The following METTL15 variants were observed in gnomAD, a reference collection of about 807,000 sequenced individuals.
METTL15 encodes methyltransferase 15, mitochondrial 12S rRNA N4-cytidine.
A neutral mutation model predicts 38.3 loss-of-function variants in METTL15; 34 were observed. The ratio of observed to expected loss-of-function variants is 0.89; its 90% CI spans 0.68 to 1.18. METTL15 has a LOEUF of 1.18. Ranked by LOEUF, METTL15 falls within the 50% of genes most tolerant of loss-of-function variation. The pLI is 0.00. For missense variants in METTL15, 438 were observed against 498.4 expected, an observed-to-expected ratio of 0.88 and a Z score of 1.15; for synonymous variants, 162 against 170.9, an observed-to-expected ratio of 0.95 and a Z score of 0.41.
chr11:28,108,419 C>G lies in METTL15; in HGVS notation c.-287C>G, dbSNP rs1464070944. ...TTGAGATCACCAGGCCTCCTGTAGA[C>G]CGGCGGGTGCAGGGCCCGGTCCCAG... On this transcript the variant is annotated 5_prime_UTR_variant, in exon 1 of 7. Coordinates refer to ENST00000407364, the MANE Select transcript of METTL15 (RefSeq NM_001113528.2). 5 of 152,466 alleles carry G rather than the reference C, an allele frequency of 3.3e-5. No individual in the cohort carries two copies. Among genetic ancestry groups the G allele is most frequent in the African/African-American group, 1.2e-4 (5 of 41,464 alleles). 9.4% of individuals were successfully genotyped at this position (152,466 alleles called of 1,614,324 possible). A position where few individuals can be genotyped will look rare whatever the true frequency, so the allele number is the denominator to read the frequency against.
intron 5 of METTL15, among the ~76,000 whole-genome samples, chr11:28,401,060 T>C (rs1850626150): frequency 1.3e-5 from 2 of 152,000 alleles, no homozygotes; most frequent in African/African-American, 4.8e-5. Flanking sequence ...GAGCAAAAGA[T>C]AGAGTTGTAT....
At chr11:28,134,609 C>T (rs1292407659) in intron 3 of METTL15, 8 of 398,376 alleles carry the variant, frequency 2.0e-5, no homozygotes, top group Non-Finnish European at 3.5e-5. Flanking sequence ...ACAGGAGGCG[C>T]TGTTTTGGAA....
intron 6 of METTL15, among the ~76,000 whole-genome samples, chr11:28,501,353 C>T (rs981176992): frequency 7.2e-5 from 11 of 152,120 alleles, no homozygotes; most frequent in Admixed American, 6.6e-4. Flanking sequence ...CTACCCAATG[C>T]GAAACATGGC....
At chr11:28,226,898 T>G (rs987248820) in intron 4 of METTL15, among the ~76,000 whole-genome samples, 2 of 151,878 alleles carry the variant, frequency 1.3e-5, no homozygotes, top group Non-Finnish European at 2.9e-5. Flanking sequence ...GTGAAAGAAT[T>G]GTCACAAATA....
At chr11:28,312,157 G>C (rs368022522) in intron 6 of METTL15, among the ~76,000 whole-genome samples, 1 of 152,332 alleles carries the variant, frequency 6.6e-6, no homozygotes, top group African/African-American at 2.4e-5. Context: ...CAGGTGACAT[G>C]TTAGACCTCA....
At chr11:28,266,582 C>G (rs1565211510) in intron 4 of METTL15, among the ~76,000 whole-genome samples, 1 of 152,110 alleles carries the variant, frequency 6.6e-6, no homozygotes, top group Non-Finnish European at 1.5e-5. Flanking sequence ...TATAGTCATC[C>G]TTGATTTCTC....
At chr11:28,296,392 A>G (rs1856736028) in intron 5 of METTL15, among the ~76,000 whole-genome samples, 2 of 152,160 alleles carry the variant, frequency 1.3e-5, no homozygotes, top group African/African-American at 4.8e-5. Context: ...TGCAAAAAAC[A>G]TTCAAGCAGT....
chr11:28,219,106 A>G lies in METTL15; in HGVS notation c.407+7908A>G, dbSNP rs190173213. On this transcript the variant is annotated intron_variant, in intron 4 of 6. Transcript: ENST00000407364. ...GTTAGGGAGGATTCCCTCTTTTTCT[A>G]TTGATTGGAATAGTTTTCGAAGGAA... Among the ~76,000 whole-genome samples, 631 of 152,054 alleles carry G rather than the reference A, an allele frequency of 4.1e-3. 2 individuals carry two copies. Among genetic ancestry groups the G allele is most frequent in the Non-Finnish European group, 6.8e-3 (463 of 67,988 alleles).
At chr11:28,284,915 C>A (rs1256020812) in intron 4 of METTL15, among the ~76,000 whole-genome samples, 1 of 152,086 alleles carries the variant, frequency 6.6e-6, no homozygotes, top group Non-Finnish European at 1.5e-5. Flanking sequence ...CCAAATCTCA[C>A]CTCAAATTGT....
chr11:28,297,589 G>A (rs1314864319), intron 6 of METTL15, among the ~76,000 whole-genome samples: 1 of 152,080 alleles, frequency 6.6e-6, no homozygotes, highest in Non-Finnish European at 1.5e-5. Context: ...CTAGCTAGGA[G>A]GCGCTTTATT....
intron 6 of METTL15, among the ~76,000 whole-genome samples, chr11:28,306,561 T>G: frequency 6.6e-6 from 1 of 152,194 alleles, no homozygotes; most frequent in East Asian, 1.9e-4. Flanking sequence ...TAACATGTTC[T>G]CTTTACTTCA....
intron 3 of METTL15, among the ~76,000 whole-genome samples, chr11:28,170,189 G>A (rs1168819883): frequency 6.6e-6 from 1 of 152,188 alleles, no homozygotes; most frequent in African/African-American, 2.4e-5. Context: ...AAGTCACGGA[G>A]CTGTGATCCC....
At chr11:28,152,201 ATAAT>A (rs1004612581) in intron 3 of METTL15, among the ~76,000 whole-genome samples, 8 of 151,886 alleles carry the variant, frequency 5.3e-5, no homozygotes, top group African/African-American at 1.4e-4. Context: ...AGGAAATGAT[ATAAT>A]TAGTTTTATA....
At chr11:28,245,605 T>C (rs1041882898) in intron 4 of METTL15, among the ~76,000 whole-genome samples, 7 of 152,170 alleles carry the variant, frequency 4.6e-5, no homozygotes, top group African/African-American at 1.4e-4. Context: ...TATATATACC[T>C]TTGGTAAGTA....
chr11:28,123,840 A>G (rs1276543214), intron 3 of METTL15: 3 of 1,407,166 alleles, frequency 2.1e-6, no homozygotes, highest in Non-Finnish European at 2.9e-6. Flanking sequence ...CTTTTGTTAC[A>G]TGTATTTTTC....
intron 4 of METTL15, among the ~76,000 whole-genome samples, chr11:28,223,766 C>G (rs1853353458): frequency 6.6e-6 from 1 of 152,068 alleles, no homozygotes; most frequent in Non-Finnish European, 1.5e-5. Context: ...CATGTCAGAT[C>G]ACCTGTTGTT....
intron 6 of METTL15, among the ~76,000 whole-genome samples, chr11:28,319,119 A>G (rs1354786085): frequency 2.6e-5 from 4 of 152,162 alleles, no homozygotes; most frequent in Admixed American, 6.5e-5. Context: ...GAGAAAGCCA[A>G]ACTCTTGCAA....
At chr11:28,143,587 C>T (rs1047425962) in intron 3 of METTL15, among the ~76,000 whole-genome samples, 1 of 152,094 alleles carries the variant, frequency 6.6e-6, no homozygotes, top group African/African-American at 2.4e-5. Context: ...CCTATTTTGA[C>T]AACATAGGAC....
chr11:28,114,111 A>G (rs562103921), intron 3 of METTL15, among the ~76,000 whole-genome samples: 2 of 152,284 alleles, frequency 1.3e-5, no homozygotes, highest in East Asian at 1.9e-4. Flanking sequence ...ATGAAACCCC[A>G]TTCCCATTAG....
Sources: gnomAD v4.1 joint callset for allele counts (sites outside exome capture counted in the v4.1 genomes callset) on GRCh38, gnomAD v4.1.1 for gene constraint, MANE v1.5 for transcripts, NCBI Gene and HGNC (gene_info 2026-07-23, HGNC 2026-07-21) for gene names.